The following RBMS3 variants were observed in gnomAD, a reference collection of about 807,000 sequenced individuals.
The protein encoded by RBMS3 is RNA binding motif single stranded interacting protein 3.
In RBMS3, 27 loss-of-function variants were observed where a neutral mutation model predicts 66.8. That is an observed-to-expected ratio of 0.40 (90% CI 0.30 to 0.56). The LOEUF (loss-of-function observed/expected upper bound fraction) is 0.56. RBMS3 is among the 20% of genes least tolerant of loss of function. The probability of loss-of-function intolerance (pLI) is 0.40; values close to 1 mark genes in which losing one functional copy is unlikely to be tolerated. For missense variants in RBMS3, 513 were observed against 549.5 expected (o/e 0.93, Z 0.66); for synonymous variants, 188 against 183.0 (o/e 1.03, Z -0.22).
Position 29,281,511 on chromosome 3 carries a change from GT to G in RBMS3, c.-167del, listed in dbSNP as rs996398939. The G allele has an allele frequency of 2.5e-4, 135 of 533,210 alleles. No individual in the cohort carries two copies. Among genetic ancestry groups the G allele is most frequent in the Admixed American group, 6.4e-4 (17 of 26,538 alleles). The allele number at this position is 533,210 out of a possible 1,614,324, so 33.0% of individuals were successfully genotyped here. ...TCCTTTGGTGTGTGTTTTTTGTTTT[GT>G]TTTGTTTTTTAAAAAAATTCTTGCT... On this transcript the variant is annotated 5_prime_UTR_variant, in exon 1 of 15. Coordinates refer to ENST00000383767, the MANE Select transcript of RBMS3 (RefSeq NM_001003793.3).
At chr3:29,638,124 G>T (rs1311274479) in intron 4 of RBMS3, among the ~76,000 whole-genome samples, 3 of 151,818 alleles carry the variant, frequency 2.0e-5, no homozygotes, top group Admixed American at 2.0e-4. Flanking sequence ...TTCTTGGAAA[G>T]CACAGGAAGA....
At chr3:29,927,539 G>A (rs1410179975) in intron 10 of RBMS3, among the ~76,000 whole-genome samples, 1 of 152,208 alleles carries the variant, frequency 6.6e-6, no homozygotes, top group Non-Finnish European at 1.5e-5. Flanking sequence ...GAAGAGAGGA[G>A]CAAGTGACCG....
At chr3:29,980,734 A>G (rs1007260293) in intron 12 of RBMS3, among the ~76,000 whole-genome samples, 1 of 152,058 alleles carries the variant, frequency 6.6e-6, no homozygotes, top group Middle Eastern at 3.2e-3. Flanking sequence ...TCGAAGATAG[A>G]TGGTTGTAGA....
At chr3:29,618,242 C>T (rs1040676645) in intron 4 of RBMS3, among the ~76,000 whole-genome samples, 2 of 152,060 alleles carry the variant, frequency 1.3e-5, no homozygotes, top group Non-Finnish European at 2.9e-5. Flanking sequence ...AGCCTGTAAT[C>T]CTAGCACTTT....
At chr3:29,426,275 C>G (rs1441010643) in intron 1 of RBMS3, among the ~76,000 whole-genome samples, 2 of 152,166 alleles carry the variant, frequency 1.3e-5, no homozygotes, top group East Asian at 3.8e-4. Context: ...AACTGATAAT[C>G]TTTATAAAAC....
chr3:29,981,124 A>G (rs1697959089), intron 12 of RBMS3, among the ~76,000 whole-genome samples: 1 of 152,156 alleles, frequency 6.6e-6, no homozygotes, highest in Admixed American at 6.6e-5. Flanking sequence ...AGTGGTTCAT[A>G]GTTCTCCTTG....
chr3:29,735,549 A>G (rs1576651343), intron 4 of RBMS3, among the ~76,000 whole-genome samples: 1 of 152,188 alleles, frequency 6.6e-6, no homozygotes, highest in African/African-American at 2.4e-5. Context: ...ACAATCTAAT[A>G]TACACTGCAA....
intron 6 of RBMS3, among the ~76,000 whole-genome samples, chr3:29,816,572 A>G (rs2057910493): frequency 2.0e-5 from 3 of 152,144 alleles, no homozygotes; most frequent in Admixed American, 2.0e-4. Context: ...GCTCTGTTGA[A>G]GTTCAATGCA....
At chr3:29,732,126 G>T (rs1006437168) in intron 4 of RBMS3, among the ~76,000 whole-genome samples, 11 of 151,998 alleles carry the variant, frequency 7.2e-5, no homozygotes, top group Non-Finnish European at 1.3e-4. Flanking sequence ...ATGAGATTAT[G>T]GAGGCAACAA....
chr3:29,728,605 A>G (rs2149332300), intron 4 of RBMS3, among the ~76,000 whole-genome samples: 1 of 152,200 alleles, frequency 6.6e-6, no homozygotes, highest in Admixed American at 6.5e-5. Flanking sequence ...TAATAAACTG[A>G]TTTTCATTAT....
At chr3:29,954,011 A>G (rs1035650737) in intron 12 of RBMS3, among the ~76,000 whole-genome samples, 5 of 151,514 alleles carry the variant, frequency 3.3e-5, no homozygotes, top group East Asian at 1.9e-4. Flanking sequence ...ATCTGCCTCA[A>G]TTTGTTTTTA....
intron 12 of RBMS3, among the ~76,000 whole-genome samples, chr3:29,972,600 C>A (rs1356427571): frequency 6.6e-6 from 1 of 151,968 alleles, no homozygotes; most frequent in Non-Finnish European, 1.5e-5. Context: ...TATCACTGAC[C>A]CTTTTAGAGG....
At chr3:29,544,398 T>A (rs946268902) in intron 3 of RBMS3, among the ~76,000 whole-genome samples, 1 of 152,104 alleles carries the variant, frequency 6.6e-6, no homozygotes, top group African/African-American at 2.4e-5. Flanking sequence ...TGTTTTTTTT[T>A]AGGAGATGTC....
intron 3 of RBMS3, among the ~76,000 whole-genome samples, chr3:29,534,727 T>C (rs1156505826): frequency 6.6e-6 from 1 of 152,202 alleles, no homozygotes; most frequent in Non-Finnish European, 1.5e-5. Context: ...GACAAATTAA[T>C]TATACTTTAA....
At chr3:29,355,850 T>G (rs751595325) in intron 1 of RBMS3, among the ~76,000 whole-genome samples, 2 of 152,148 alleles carry the variant, frequency 1.3e-5, no homozygotes, top group African/African-American at 2.4e-5. Context: ...CAGTGACTTT[T>G]GATAAAGGTA....
chr3:29,294,167 T>C (rs185403173), intron 1 of RBMS3, among the ~76,000 whole-genome samples: 94 of 151,976 alleles, frequency 6.2e-4, no homozygotes, highest in Non-Finnish European at 6.6e-4. Context: ...CTATCTTGTT[T>C]TGTGTGTCTT....
At chr3:29,346,473 A>G (rs2036585928) in intron 1 of RBMS3, among the ~76,000 whole-genome samples, 1 of 130,656 alleles carries the variant, frequency 7.7e-6, no homozygotes, top group African/African-American at 3.0e-5. Flanking sequence ...GCGCGATCTC[A>G]GCTCACTGCA....
chr3:29,404,708 G>A (rs1476397048), intron 1 of RBMS3, among the ~76,000 whole-genome samples: 1 of 152,116 alleles, frequency 6.6e-6, no homozygotes, highest in Non-Finnish European at 1.5e-5. Context: ...TTGGTCTTGA[G>A]TGATAAATCT....
intron 4 of RBMS3, among the ~76,000 whole-genome samples, chr3:29,698,792 G>T (rs2052394778): frequency 6.6e-6 from 1 of 151,930 alleles, no homozygotes; most frequent in Non-Finnish European, 1.5e-5. Context: ...TTGACCCATT[G>T]GATGTAATTA....
Sources: allele counts gnomAD v4.1 joint callset (sites outside exome capture counted in the v4.1 genomes callset), GRCh38; gene constraint gnomAD v4.1.1; transcripts MANE v1.5; gene names NCBI Gene and HGNC (gene_info 2026-07-23, HGNC 2026-07-21).